SIGLECL1: variants seen among roughly 807,000 people sequenced by gnomAD.
SIGLECL1 encodes SIGLEC family-like protein 1.
In SIGLECL1, 16 loss-of-function variants were observed where a neutral mutation model predicts 19.1. The observed-to-expected ratio is 0.84, with a 90% CI of 0.57 to 1.27. The LOEUF (loss-of-function observed/expected upper bound fraction) is 1.27, where lower values mean the gene tolerates loss of function less well. SIGLECL1 is among the 50% of genes most tolerant of loss of function. The probability of loss-of-function intolerance (pLI) is 0.00; values close to 1 mark genes in which losing one functional copy is unlikely to be tolerated. For synonymous variants in SIGLECL1, 89 were observed against 90.4 expected (o/e 0.98, Z 0.09); for missense variants, 210 against 239.4 (o/e 0.88, Z 0.81).
chr19:51,265,905 A>C, intron 4 of SIGLECL1, 23 bp downstream of exon 4: 1 of 1,611,750 alleles, frequency 6.2e-7, no homozygotes, highest in Non-Finnish European at 8.5e-7. Flanking sequence ...GTTAATATTC[A>C]CCCGCAAGCC....
rs747602773 is a variant in SIGLECL1 at position 51,265,806 on chromosome 19, G to A, written c.334G>A (p.Val112Met). 14 of 1,614,174 alleles carry A rather than the reference G, an allele frequency of 8.7e-6. No individual in the cohort carries two copies. The highest frequency in any genetic ancestry group is 3.3e-4 in the Middle Eastern group (2 of 6,062). The stretch of plus-strand genomic sequence containing the variant: ...GAGTTCTTTGGCTGCCCAGGCCTTC[G>A]TGAAAGGGCTGATCCAGGGTGCTAT... Reference protein sequence around the residue: ...RKSSLAAQAFVKGLIQGAIYA... With the variant: ...RKSSLAAQAFMKGLIQGAIYA... Residue 112 changes from valine to methionine, a missense_variant, in exon 4 of 6, where the codon GTG (valine) becomes ATG (methionine). By Grantham distance (21) the Val-to-Met change is conservative. Coordinates refer to ENST00000601727, the MANE Select transcript of SIGLECL1 (RefSeq NM_001385465.1).
intron 1 of SIGLECL1, among the ~76,000 whole-genome samples, chr19:51,251,901 T>G (rs1982512266): frequency 1.3e-5 from 2 of 152,010 alleles, no homozygotes; most frequent in African/African-American, 4.8e-5. Flanking sequence ...AATACACAGA[T>G]GGAAGTGTGC....
In SIGLECL1 at chr19:51,253,769, C is replaced by A. The variant is rs143985266; in HGVS notation, c.-191+2224C>A. Among the ~76,000 whole-genome samples the A allele has an allele frequency of 4.5e-3, 681 of 152,304 alleles. 5 individuals are homozygous for A. The highest frequency in any genetic ancestry group is 0.016 in the African/African-American group (658 of 41,554). The stretch of plus-strand genomic sequence containing the variant: ...GCAAAATAGAATCATGAAAAAGACA[C>A]CACAGTTGTAGTCAAAGGTTGAGTC... On this transcript the variant is annotated intron_variant, in intron 1 of 5. Coordinates refer to ENST00000601727, the MANE Select transcript of SIGLECL1 (RefSeq NM_001385465.1).
At chr19:51,246,517 G>A (rs1458464908), upstream of SIGLECL1, 1 of 152,082 alleles carries the variant, frequency 6.6e-6, no homozygotes, top group African/African-American at 2.4e-5. Flanking sequence ...TGGCAGGTCA[G>A]GTCTCCCTAA....
chr19:51,254,478 C>G (rs1331544106), intron 1 of SIGLECL1, among the ~76,000 whole-genome samples: 1 of 152,138 alleles, frequency 6.6e-6, no homozygotes, highest in Non-Finnish European at 1.5e-5. Flanking sequence ...GTACTGATAT[C>G]TGGTACAACA....
intron 1 of SIGLECL1, among the ~76,000 whole-genome samples, chr19:51,260,631 C>T (rs1983145789): frequency 6.6e-6 from 1 of 152,056 alleles, no homozygotes; most frequent in Admixed American, 6.6e-5. Context: ...GTATGTGTAT[C>T]TTCTGCTTTG....
rs771189349 is a variant in SIGLECL1 at position 51,265,216 on chromosome 19, G to A, written c.23-152G>A. 5.2e-6 allele frequency: 4 copies of A among 774,316 alleles called. No homozygotes were observed. The South Asian group carries it at 7.1e-5, about 14-fold the overall frequency. The allele number at this position is 774,316 out of a possible 1,614,324, so 48.0% of individuals were successfully genotyped here. On this transcript the variant is annotated intron_variant, in intron 2 of 5. Coordinates refer to ENST00000601727, the MANE Select transcript of SIGLECL1 (RefSeq NM_001385465.1). ...CCAGATGAGGACAGAAGATAGAGGG[G>A]AACTGGTCTGGGAGGCCTGAATCCT...
rs576618799 is a variant in SIGLECL1 at position 51,255,290 on chromosome 19, A to G, written c.-191+3745A>G. 4.3e-3 allele frequency among the ~76,000 whole-genome samples: 659 copies of G among 152,158 alleles called. 5 individuals are homozygous for G. Among genetic ancestry groups the G allele is most frequent in the Non-Finnish European group, 5.7e-3 (385 of 67,990 alleles). ...AAAAAAAAAAAAAAGACTTAAATATAAGAACTGAGATTGTAAAACTACTAA... is the reference window on the plus strand; with the variant it reads ...AAAAAAAAAAAAAAGACTTAAATATGAGAACTGAGATTGTAAAACTACTAA... On this transcript the variant is annotated intron_variant, in intron 1 of 5. Transcript: ENST00000601727.
chr19:51,261,357 C>T (rs1300210653), intron 1 of SIGLECL1, among the ~76,000 whole-genome samples: 7 of 152,082 alleles, frequency 4.6e-5, no homozygotes, highest in African/African-American at 1.7e-4. Flanking sequence ...GGCATGATCT[C>T]GGCTCACTGC....
At chr19:51,268,360 T>G (rs1445381634) in intron 5 of SIGLECL1, among the ~76,000 whole-genome samples, 1 of 152,022 alleles carries the variant, frequency 6.6e-6, no homozygotes, top group African/African-American at 2.4e-5. Context: ...GTCAGTGTTA[T>G]GGGTACTGAA....
chr19:51,260,190 C>T (rs1983110815), intron 1 of SIGLECL1, among the ~76,000 whole-genome samples: 1 of 152,208 alleles, frequency 6.6e-6, no homozygotes, highest in Non-Finnish European at 1.5e-5. Flanking sequence ...ATAAAATAAA[C>T]AGAGAAACAG....
upstream of SIGLECL1, among the ~76,000 whole-genome samples, chr19:51,250,228 A>G (rs554348737): frequency 3.9e-5 from 6 of 152,124 alleles, no homozygotes; most frequent in Non-Finnish European, 8.8e-5. Flanking sequence ...CTGGGGTTAC[A>G]GGTGCCTGCC....
Position 51,263,950 on chromosome 19 carries a change from C to T in SIGLECL1, c.-123C>T. The T allele has an allele frequency of 2.4e-6, 3 of 1,253,412 alleles. No homozygotes were observed. Among genetic ancestry groups the T allele is most frequent in the Admixed American group, 4.0e-5 (2 of 50,428 alleles). 77.6% of individuals were successfully genotyped at this position (1,253,412 alleles called of 1,614,324 possible). A position where few individuals can be genotyped will look rare whatever the true frequency, so the allele number is the denominator to read the frequency against. On this transcript the variant is annotated 5_prime_UTR_variant, in exon 2 of 6. Coordinates refer to ENST00000601727, the MANE Select transcript of SIGLECL1 (RefSeq NM_001385465.1). ...TTGGCTAAAGATACTTCTGCTCTCC[C>T]CATCCCCACATCCTCTTTCAGTTAC... is the stretch of plus-strand genomic sequence containing the variant.
chr19:51,258,790 C>T (rs1163996345), intron 1 of SIGLECL1, among the ~76,000 whole-genome samples: 1 of 152,106 alleles, frequency 6.6e-6, no homozygotes, highest in Non-Finnish European at 1.5e-5. Flanking sequence ...GTTAAGTGGA[C>T]ATTGAGGGAG....
chr19:51,248,518 C>A (rs1475837825), upstream of SIGLECL1, among the ~76,000 whole-genome samples: 1 of 152,180 alleles, frequency 6.6e-6, no homozygotes, highest in South Asian at 2.1e-4. Flanking sequence ...CATGTGCCAG[C>A]GGAACCCCAT....
At chr19:51,263,792 A>G (rs1220541370) in intron 1 of SIGLECL1, 91 bp from the exon 2 acceptor site, 4 of 342,404 alleles carry the variant, frequency 1.2e-5, no homozygotes, top group Non-Finnish European at 1.6e-5. Context: ...TAAAGCAGAC[A>G]TGACACTGAG....
intron 1 of SIGLECL1, among the ~76,000 whole-genome samples, chr19:51,262,284 A>G (rs907959161): frequency 2.0e-5 from 3 of 152,242 alleles, no homozygotes; most frequent in African/African-American, 7.2e-5. Flanking sequence ...TACTAACTAC[A>G]TATGGCTATT....
intron 1 of SIGLECL1, among the ~76,000 whole-genome samples, chr19:51,260,114 G>A (rs541047438): frequency 6.6e-6 from 1 of 152,230 alleles, no homozygotes; most frequent in South Asian, 2.1e-4. Flanking sequence ...GCCTATATAG[G>A]GTACAGCCTT....
chr19:51,264,462 G>A (rs989402573), intron 2 of SIGLECL1: 8 of 172,972 alleles, frequency 4.6e-5, no homozygotes, highest in Non-Finnish European at 8.6e-5. Flanking sequence ...AGAGGGGTCC[G>A]TACATGAGAG....
Sources: gnomAD v4.1 joint callset for allele counts (sites outside exome capture counted in the v4.1 genomes callset) on GRCh38, gnomAD v4.1.1 for gene constraint, MANE v1.5 for transcripts, NCBI Gene and HGNC (gene_info 2026-07-23, HGNC 2026-07-21) for gene names.